MPRIP: variants seen among roughly 807,000 people sequenced by gnomAD.
The protein encoded by MPRIP is myosin phosphatase Rho-interacting protein.
A neutral mutation model predicts 234.9 loss-of-function variants in MPRIP; 59 were observed. The ratio of observed to expected loss-of-function variants is 0.25; its 90% CI spans 0.20 to 0.31. The LOEUF (loss-of-function observed/expected upper bound fraction) is 0.31, where lower values mean the gene tolerates loss of function less well. Among genes scored for constraint, MPRIP ranks in the 10% least tolerant of loss-of-function variants. The pLI is 1.00. For missense variants in MPRIP, 2,436 were observed against 3,071.0 expected (o/e 0.79, Z 4.89); for synonymous variants, 1,144 against 1,263.9 (o/e 0.91, Z 2.01).
intron 14 of MPRIP, among the ~76,000 whole-genome samples, chr17:17,160,227 A>G (rs949090701): frequency 6.6e-6 from 1 of 152,202 alleles, no homozygotes; most frequent in Non-Finnish European, 1.5e-5. Flanking sequence ...TTAGCTGGGC[A>G]TGGTGGTGCA....
intron 5 of MPRIP, among the ~76,000 whole-genome samples, chr17:17,134,618 T>A (rs1401689934): frequency 2.0e-5 from 3 of 152,188 alleles, no homozygotes; most frequent in Admixed American, 2.0e-4. Flanking sequence ...TTTTATCCTG[T>A]CCGTGAGGCC....
Position 17,180,113 on chromosome 17 carries a change from G to A in MPRIP, c.7206+25G>A, listed in dbSNP as rs565476452. The A allele has an allele frequency of 9.7e-6, 15 of 1,543,406 alleles. No homozygotes were observed. The South Asian group carries it at 1.8e-4, about 19-fold the overall frequency. ...GGTGAGTCTGGGGTCCAGCCCCCTG[G>A]TGGGAGGGGCTTGAGGGACACTGGG... On this transcript the variant is annotated intron_variant, in intron 23 of 23. Coordinates refer to ENST00000651222, the MANE Select transcript of MPRIP (RefSeq NM_001364716.4).
Position 17,184,928 on chromosome 17 carries a change from C to T in MPRIP, c.*34C>T. ...CATCCAAGTTGAGCACGCGCCTTCC[C>T]CAGCTTGCAGCAGCACACCCCAAGC... On this transcript the variant is annotated 3_prime_UTR_variant, in exon 24 of 24. Coordinates refer to ENST00000651222, the MANE Select transcript of MPRIP (RefSeq NM_001364716.4). 6.7e-7 allele frequency: 1 copy of T among 1,497,378 alleles called. No individual in the cohort carries two copies. The highest frequency in any genetic ancestry group is 9.3e-7 in the Non-Finnish European group (1 of 1,076,078). The allele number at this position is 1,497,378 out of a possible 1,614,324, so 92.8% of individuals were successfully genotyped here. A position where few individuals can be genotyped will look rare whatever the true frequency, so the allele number is the denominator to read the frequency against.
chr17:17,171,621 G>T, intron 16 of MPRIP, 97 bp from the exon 17 acceptor site: 2 of 1,480,978 alleles, frequency 1.4e-6, no homozygotes, highest in Non-Finnish European at 1.8e-6. Flanking sequence ...TCACAGCTGG[G>T]CCTGGACAGG....
chr17:17,180,516 G>T, intron 23 of MPRIP: 1 of 1,176,260 alleles, frequency 8.5e-7, no homozygotes, highest in South Asian at 1.2e-5. Context: ...TCCAGAGCCA[G>T]CCATGCACAG....
intron 3 of MPRIP, among the ~76,000 whole-genome samples, chr17:17,118,437 C>G (rs1360115458): frequency 6.6e-6 from 1 of 152,120 alleles, no homozygotes; most frequent in East Asian, 1.9e-4. Context: ...AATCATGGCT[C>G]CCTTCCCAAG....
chr17:17,168,233 A>G (rs1386360201), intron 16 of MPRIP: 2 of 265,968 alleles, frequency 7.5e-6, no homozygotes, highest in Non-Finnish European at 1.5e-5. Flanking sequence ...GCAGCCCCCA[A>G]TCCCCTTGCC....
chr17:17,155,402 C>T (rs2144580114), intron 13 of MPRIP, among the ~76,000 whole-genome samples: 1 of 152,226 alleles, frequency 6.6e-6, no homozygotes, highest in Middle Eastern at 3.4e-3. Context: ...ACCCACCACA[C>T]CCGGCTAATT....
At chr17:17,177,503 A>C in intron 22 of MPRIP, 91 bp downstream of exon 22, 1 of 1,402,610 alleles carries the variant, frequency 7.1e-7, no homozygotes, top group Non-Finnish European at 9.8e-7. Flanking sequence ...CTTGAAGCAG[A>C]AGAGTCCCAG....
chr17:17,149,160 C>G (rs532463142), intron 11 of MPRIP, among the ~76,000 whole-genome samples: 22 of 152,234 alleles, frequency 1.4e-4, no homozygotes, highest in African/African-American at 4.8e-4. Context: ...TACTGCTTGT[C>G]AAAGAACAGC....
intron 3 of MPRIP, 108 bp from the exon 4 acceptor site, chr17:17,126,594 A>C: frequency 7.9e-7 from 1 of 1,266,440 alleles, no homozygotes; most frequent in Non-Finnish European, 1.1e-6. Flanking sequence ...GAGGGAGAGC[A>C]CTCCTAGAGG....
At chr17:17,160,778 TAG>T (rs936889451) in intron 14 of MPRIP, among the ~76,000 whole-genome samples, 2 of 152,218 alleles carry the variant, frequency 1.3e-5, no homozygotes, top group Non-Finnish European at 2.9e-5. Flanking sequence ...GTGGTCCCTG[TAG>T]AGCCTAGCCT....
At chr17:17,045,802 A>G (rs1462176985) in intron 1 of MPRIP, among the ~76,000 whole-genome samples, 1 of 147,260 alleles carries the variant, frequency 6.8e-6, no homozygotes. Context: ...GGACCCAAAT[A>G]TACAGTTTTT....
intron 14 of MPRIP, 41 bp from the exon 15 acceptor site, chr17:17,161,198 CA>C: frequency 6.9e-7 from 1 of 1,442,342 alleles, no homozygotes; most frequent in South Asian, 1.2e-5. Context: ...CTTTGTTTAT[CA>C]TTGTCATTTT....
intron 3 of MPRIP, among the ~76,000 whole-genome samples, chr17:17,079,950 A>T (rs2089424523): frequency 6.6e-6 from 1 of 152,162 alleles, no homozygotes; most frequent in South Asian, 2.1e-4. Flanking sequence ...CCTGGATATG[A>T]GTTGCGTATT....
chr17:17,176,319 C>A, intron 20 of MPRIP, 107 bp from the exon 21 acceptor site: 1 of 825,492 alleles, frequency 1.2e-6, no homozygotes, highest in South Asian at 1.4e-5. Flanking sequence ...CGAGGCTGCC[C>A]TGCTCACTGG....
At chr17:17,090,313 C>T (rs138820720) in intron 3 of MPRIP, among the ~76,000 whole-genome samples, 196 of 152,302 alleles carry the variant, frequency 1.3e-3, no homozygotes, top group African/African-American at 4.4e-3. Flanking sequence ...AAGGGTCTTA[C>T]GGCCCCAACC....
chr17:17,177,163 G>T, intron 21 of MPRIP, 87 bp from the exon 22 acceptor site: 2 of 1,325,482 alleles, frequency 1.5e-6, no homozygotes, highest in South Asian at 2.6e-5. Context: ...CCTCCCTACC[G>T]TGTTCAGTCC....
At chr17:17,052,920 C>A (rs907756055) in intron 1 of MPRIP, among the ~76,000 whole-genome samples, 1 of 152,194 alleles carries the variant, frequency 6.6e-6, no homozygotes, top group Non-Finnish European at 1.5e-5. Flanking sequence ...GCACTTTCCA[C>A]ACAAGGTTTC....
Sources: allele counts gnomAD v4.1 joint callset (sites outside exome capture counted in the v4.1 genomes callset), GRCh38; gene constraint gnomAD v4.1.1; transcripts MANE v1.5; gene names NCBI Gene and HGNC (gene_info 2026-07-23, HGNC 2026-07-21).